Variants in SGCZ observed in about 807,000 individuals in gnomAD.
SGCZ encodes sarcoglycan zeta, also known as zeta-sarcoglycan.
Under a neutral mutation model 41.3 loss-of-function variants are expected in SGCZ, and 40 were observed. The ratio of observed to expected loss-of-function variants is 0.97; its 90% CI spans 0.75 to 1.26. The LOEUF (loss-of-function observed/expected upper bound fraction) is 1.26. Ranked by LOEUF, SGCZ falls within the 50% of genes most tolerant of loss-of-function variation. The probability of loss-of-function intolerance (pLI) is 0.00; values close to 1 mark genes in which losing one functional copy is unlikely to be tolerated. For synonymous variants in SGCZ, 206 were observed against 137.5 expected (o/e 1.50, Z -3.49); for missense variants, 552 against 369.8 (o/e 1.49, Z -4.04).
intron 3 of SGCZ, among the ~76,000 whole-genome samples, chr8:14,243,346 A>G (rs1798959115): frequency 6.6e-6 from 1 of 152,196 alleles, no homozygotes; most frequent in Non-Finnish European, 1.5e-5. Context: ...CTGCGTCAGA[A>G]ATACTTCTTG....
At chr8:14,259,538 G>C (rs1449537399) in intron 3 of SGCZ, among the ~76,000 whole-genome samples, 1 of 145,482 alleles carries the variant, frequency 6.9e-6, no homozygotes, top group Non-Finnish European at 1.5e-5. Context: ...TGGCTAGCCA[G>C]TTTTCCCAGC....
chr8:14,243,005 TG>T (rs1288321215), intron 3 of SGCZ, among the ~76,000 whole-genome samples: 1 of 152,252 alleles, frequency 6.6e-6, no homozygotes, highest in Non-Finnish European at 1.5e-5. Context: ...ACCTCTACTT[TG>T]CTGCTATCAT....
chr8:14,181,547 C>G (rs1369190625), intron 4 of SGCZ, among the ~76,000 whole-genome samples: 1 of 152,140 alleles, frequency 6.6e-6, no homozygotes, highest in Non-Finnish European at 1.5e-5. Flanking sequence ...CAAATCTCAC[C>G]CTGAATTGTA....
At chr8:14,719,917 G>A (rs1809824242) in intron 1 of SGCZ, among the ~76,000 whole-genome samples, 1 of 152,024 alleles carries the variant, frequency 6.6e-6, no homozygotes, top group Non-Finnish European at 1.5e-5. Flanking sequence ...TTTTAGACAT[G>A]AAGTCCTTGT....
intron 1 of SGCZ, among the ~76,000 whole-genome samples, chr8:14,727,045 A>T (rs959305602): frequency 6.6e-6 from 1 of 152,168 alleles, no homozygotes; most frequent in African/African-American, 2.4e-5. Flanking sequence ...GCGAGGAAAT[A>T]TTTTCAATAA....
At chr8:14,583,129 T>C (rs1431816416) in intron 1 of SGCZ, among the ~76,000 whole-genome samples, 2 of 150,216 alleles carry the variant, frequency 1.3e-5, no homozygotes. Flanking sequence ...CCACCAACAG[T>C]GTAAAAGTGT....
At position 14,989,831 on chromosome 8, in the gene SGCZ, G is replaced by A. The variant is rs1801947505; in HGVS notation, c.39+247754C>T. Among the ~76,000 whole-genome samples the A allele has an allele frequency of 5.3e-5, 8 of 152,114 alleles. No individual in the cohort carries two copies. In the South Asian group the frequency reaches 1.7e-3, roughly 32 times the overall value. ...TACAAAAACATCCATATCCATTACA[G>A]ACATAAGTAGGAACCTGGAATTCTG... is the stretch of plus-strand genomic sequence containing the variant. On this transcript the variant is annotated intron_variant, in intron 1 of 7. Coordinates refer to ENST00000382080, the MANE Select transcript of SGCZ (RefSeq NM_139167.4).
intron 2 of SGCZ, among the ~76,000 whole-genome samples, chr8:14,419,426 C>G (rs1340557791): frequency 6.6e-6 from 1 of 151,798 alleles, no homozygotes; most frequent in African/African-American, 2.4e-5. Flanking sequence ...AATTTATCCT[C>G]TATGAGATTT....
At chr8:14,525,169 TAGATAGATAGATAGATAGATAGATAGAC>T in intron 2 of SGCZ, among the ~76,000 whole-genome samples, 1 of 112,390 alleles carries the variant, frequency 8.9e-6, no homozygotes, top group Non-Finnish European at 1.6e-5. Context: ...GATAGATAGA[TAGATAGATAGATAGATAGATAGATAGAC>T]AGACAGACAG....
At chr8:14,267,430 A>G (rs967970375) in intron 3 of SGCZ, among the ~76,000 whole-genome samples, 4 of 152,080 alleles carry the variant, frequency 2.6e-5, no homozygotes, top group African/African-American at 4.8e-5. Context: ...GTGGTTTGCT[A>G]TAAGATTTTG....
chr8:15,180,483 CTTTG>C (rs950613338), intron 1 of SGCZ, among the ~76,000 whole-genome samples: 2 of 151,960 alleles, frequency 1.3e-5, no homozygotes, highest in African/African-American at 2.4e-5. Flanking sequence ...TCTTTTATTG[CTTTG>C]TTTTTTTGTA....
intron 2 of SGCZ, among the ~76,000 whole-genome samples, chr8:14,515,019 A>G (rs1484132283): frequency 6.6e-6 from 1 of 151,956 alleles, no homozygotes; most frequent in African/African-American, 2.4e-5. Flanking sequence ...CATCAAGTAT[A>G]TTTTATAGGG....
chr8:14,987,999 A>G (rs1056282336), intron 1 of SGCZ, among the ~76,000 whole-genome samples: 1 of 152,008 alleles, frequency 6.6e-6, no homozygotes, highest in Admixed American at 6.6e-5. Flanking sequence ...TATGAATATA[A>G]TTATGATTCT....
intron 1 of SGCZ, among the ~76,000 whole-genome samples, chr8:15,231,596 G>T (rs1428687486): frequency 6.8e-6 from 1 of 146,624 alleles, no homozygotes; most frequent in Non-Finnish European, 1.5e-5. Context: ...AAAAACTTTG[G>T]ATGTTAATAT....
At chr8:14,461,052 C>T (rs1319086369) in intron 2 of SGCZ, among the ~76,000 whole-genome samples, 2 of 152,070 alleles carry the variant, frequency 1.3e-5, no homozygotes, top group Non-Finnish European at 2.9e-5. Flanking sequence ...CACCACACCA[C>T]CCTGAGAAAA....
At chr8:15,064,534 C>CAAAA (rs199980199) in intron 1 of SGCZ, among the ~76,000 whole-genome samples, 2 of 132,072 alleles carry the variant, frequency 1.5e-5, no homozygotes, top group African/African-American at 3.3e-5. Flanking sequence ...CCAGGCCTCT[C>CAAAA]AAAAAAAAAA....
intron 2 of SGCZ, among the ~76,000 whole-genome samples, chr8:14,509,443 T>C (rs1380634849): frequency 1.3e-5 from 2 of 152,198 alleles, no homozygotes; most frequent in African/African-American, 4.8e-5. Flanking sequence ...ATATGATTCT[T>C]ACTTTTGCTT....
At chr8:15,029,310 C>A (rs867764823) in intron 1 of SGCZ, among the ~76,000 whole-genome samples, 3 of 152,050 alleles carry the variant, frequency 2.0e-5, no homozygotes, top group South Asian at 2.1e-4. Flanking sequence ...TAGAAAAAAA[C>A]CATATGCCTG....
At chr8:14,362,722 G>C (rs1319378717) in intron 2 of SGCZ, among the ~76,000 whole-genome samples, 5 of 152,098 alleles carry the variant, frequency 3.3e-5, no homozygotes, top group African/African-American at 4.8e-5. Flanking sequence ...ACCAGTCCCA[G>C]TGAGGTGAAC....
Sources: gnomAD v4.1 joint callset for allele counts (sites outside exome capture counted in the v4.1 genomes callset) on GRCh38, gnomAD v4.1.1 for gene constraint, MANE v1.5 for transcripts, NCBI Gene and HGNC (gene_info 2026-07-23, HGNC 2026-07-21) for gene names.